The following POLA1 variants were observed in gnomAD, a reference collection of about 807,000 sequenced individuals.
POLA1 encodes the protein DNA polymerase alpha catalytic subunit.
A neutral mutation model predicts 124.0 loss-of-function variants in POLA1; 15 were observed. The observed-to-expected ratio is 0.12, with a 90% confidence interval of 0.08 to 0.19. The LOEUF (loss-of-function observed/expected upper bound fraction) is 0.19. Ranked by LOEUF, POLA1 falls within the 10% of genes least tolerant of loss-of-function variation. POLA1 has a pLI of 1.00. For synonymous variants in POLA1, 408 were observed against 389.4 expected (o/e 1.05, Z -0.56); for missense variants, 886 against 1,103.4 (o/e 0.80, Z 2.79).
intron 34 of POLA1, among the ~76,000 whole-genome samples, chrX:24,862,542 T>TA (rs1229607679): frequency 1.8e-5 from 2 of 111,470 alleles, no homozygotes; most frequent in East Asian, 5.7e-4. Flanking sequence ...ATAATAAACT[T>TA]ACAGGCACAG....
chrX:24,917,267 C>CA (rs755459104), intron 35 of POLA1, among the ~76,000 whole-genome samples: 2 of 104,857 alleles, frequency 1.9e-5, no homozygotes, highest in South Asian at 8.9e-4. Context: ...GCCTGAGTGA[C>CA]AGAGTGAGAC....
intron 34 of POLA1, among the ~76,000 whole-genome samples, chrX:24,853,386 T>C (rs1235324923): frequency 8.9e-6 from 1 of 112,192 alleles, no homozygotes; most frequent in East Asian, 2.8e-4. Flanking sequence ...CGGTAAACTT[T>C]TTGTGCTCTG....
At position 24,855,558 on chromosome X, in the gene POLA1, C is replaced by T. The variant is rs1415300678; in HGVS notation, c.4047+11881C>T. Reference sequence around the variant, plus strand: ...ATAAAATGAAATTTGAAGGACAATTCCCCCAAAGGACATTGGAGGAAAATT... The same window carrying T: ...ATAAAATGAAATTTGAAGGACAATTTCCCCAAAGGACATTGGAGGAAAATT... On this transcript the variant is annotated intron_variant, in intron 34 of 36. Transcript: ENST00000379068. Among the ~76,000 whole-genome samples the T allele has an allele frequency of 5.4e-5, 6 of 111,863 alleles. No homozygotes were observed. In the Admixed American group the frequency reaches 5.7e-4, roughly 11 times the overall value.
At chrX:24,938,147 C>T (rs898944068) in intron 36 of POLA1, among the ~76,000 whole-genome samples, 5 of 112,701 alleles carry the variant, frequency 4.4e-5, no homozygotes, top group African/African-American at 1.6e-4. Flanking sequence ...GGCACAGTGG[C>T]TCACGCCTGT....
rs1376258540 is a variant in POLA1, at chrX:24,841,714, C to G, written c.3799C>G (p.Leu1267Val). 8.4e-6 allele frequency: 10 copies of G among 1,188,869 alleles called. No homozygotes were observed. Among genetic ancestry groups the G allele is most frequent in the East Asian group, 3.0e-5 (1 of 33,350 alleles). Residue 1267 changes from leucine to valine, a missense_variant, in exon 33 of 37, where the codon CTT becomes GTT. By Grantham distance (32) the Leu-to-Val change is conservative (BLOSUM62 1). Transcript: ENST00000379068. ...TAAAGATGAAGAGAATGATGCTCTA[C>G]TTGGTGGCCCAGCACAGCTCACTGA... is the stretch of plus-strand genomic sequence containing the variant. ...YHKDEENDAL[L>V]GGPAQLTDEE...
intron 35 of POLA1, among the ~76,000 whole-genome samples, chrX:24,906,959 G>A (rs765707745): frequency 9.0e-5 from 10 of 111,157 alleles, no homozygotes; most frequent in Admixed American, 1.9e-4. Context: ...AGGCCGAGCC[G>A]GACAGTTCAC....
At chrX:24,926,411 G>A (rs1364998955) in intron 35 of POLA1, among the ~76,000 whole-genome samples, 1 of 111,203 alleles carries the variant, frequency 9.0e-6, no homozygotes, top group African/African-American at 3.3e-5. Flanking sequence ...TTCATTTTGT[G>A]CATCAAGCCG....
chrX:24,727,771 TTC>T lies in POLA1; in HGVS notation c.1532-7_1532-6del. On this transcript the variant is annotated splice_polypyrimidine_tract_variant and intron_variant, in intron 14 of 36. Transcript: ENST00000379068. Reference sequence around the variant, plus strand: ...AATAGCTATTGATCTGTTGTATCTATTCTCTTTCAGAGCTCTTGAATCAGCCA... The same window carrying T: ...AATAGCTATTGATCTGTTGTATCTATTCTTTCAGAGCTCTTGAATCAGCCA... 1 of 1,198,257 alleles carries T rather than the reference TTC, an allele frequency of 8.3e-7. No homozygotes were observed. The highest frequency in any genetic ancestry group is 2.3e-4 in the Middle Eastern group (1 of 4,310).
At chrX:24,956,237 G>A (rs1161038431) in intron 36 of POLA1, among the ~76,000 whole-genome samples, 1 of 110,066 alleles carries the variant, frequency 9.1e-6, no homozygotes, top group Non-Finnish European at 1.9e-5. Flanking sequence ...AGATTGTAGT[G>A]AGTTATGATC....
At position 24,897,363 on chromosome X, in the gene POLA1, C is replaced by T. The variant is rs1465664717; in HGVS notation, c.4164+9241C>T. Reference sequence around the variant, plus strand: ...CCTTCCTCTTCTCTTCACTGCCCCCCCCCCCACCAACCCCCACCTCAGCAG... The same window carrying T: ...CCTTCCTCTTCTCTTCACTGCCCCCTCCCCCACCAACCCCCACCTCAGCAG... On this transcript the variant is annotated intron_variant, in intron 35 of 36. Coordinates refer to ENST00000379068, the MANE Select transcript of POLA1 (RefSeq NM_001330360.2). 3.9e-5 allele frequency among the ~76,000 whole-genome samples: 4 copies of T among 103,343 alleles called. No individual in the cohort carries two copies. The East Asian group carries it at 9.5e-4, about 24-fold the overall frequency. The allele number at this position is 103,343 out of a possible 115,157, so 89.7% of individuals were successfully genotyped here. A position where few individuals can be genotyped will look rare whatever the true frequency, so the allele number is the denominator to read the frequency against.
chrX:24,759,701 G>A (rs955420718), intron 26 of POLA1, among the ~76,000 whole-genome samples: 1 of 112,022 alleles, frequency 8.9e-6, no homozygotes, highest in Non-Finnish European at 1.9e-5. Context: ...AAACCATTGG[G>A]AATGTGGCTA....
At chrX:24,704,231 A>G (rs182724470) in intron 3 of POLA1, among the ~76,000 whole-genome samples, 158 bp from the exon 4 acceptor site, 118 of 112,150 alleles carry the variant, frequency 1.1e-3, no homozygotes, top group African/African-American at 3.6e-3. Flanking sequence ...GATGCTGTGC[A>G]TTGTCTGACA....
At chrX:24,840,586 A>G (rs775601590) in intron 32 of POLA1, among the ~76,000 whole-genome samples, 1 of 112,284 alleles carries the variant, frequency 8.9e-6, no homozygotes, top group East Asian at 2.8e-4. Context: ...CATCTGTTAG[A>G]TTTATCTACC....
intron 34 of POLA1, among the ~76,000 whole-genome samples, chrX:24,858,738 G>A (rs906560660): frequency 5.4e-5 from 6 of 112,023 alleles, no homozygotes; most frequent in African/African-American, 1.9e-4. Flanking sequence ...TTTCAAACTT[G>A]TTTTACTTAG....
chrX:24,785,080 A>C (rs930695237), intron 26 of POLA1, among the ~76,000 whole-genome samples: 5 of 112,463 alleles, frequency 4.4e-5, no homozygotes, highest in Non-Finnish European at 9.4e-5. Context: ...GCTGATATTA[A>C]AAATGTGTTA....
chrX:24,726,123 A>G, intron 13 of POLA1, 68 bp downstream of exon 13: 2 of 686,060 alleles, frequency 2.9e-6, no homozygotes, highest in South Asian at 2.5e-5. Context: ...TGAACTTTCA[A>G]CTGACTTTCA....
intron 26 of POLA1, among the ~76,000 whole-genome samples, chrX:24,787,240 C>T (rs990715448): frequency 5.4e-5 from 6 of 111,230 alleles, no homozygotes; most frequent in Non-Finnish European, 1.1e-4. Context: ...TTTATTTTTG[C>T]TGTTGTTGCC....
intron 36 of POLA1, among the ~76,000 whole-genome samples, chrX:24,993,838 G>A (rs1392426811): frequency 1.8e-5 from 2 of 111,997 alleles, no homozygotes; most frequent in African/African-American, 6.5e-5. Context: ...ACTGGCTATG[G>A]GATATGCTGG....
Position 24,826,581 on chromosome X carries a change from T to C in POLA1, c.3716T>C (p.Val1239Ala), listed in dbSNP as rs1488109160. ...GAACCAATAGACGGAATTGATGCTG[T>C]CCTCATTGCAACGTGGTTGGGTAAG... ...ICEPIDGIDAVLIATWLGLDP... is the reference protein window; with the variant it reads ...ICEPIDGIDAALIATWLGLDP... The change falls in exon 32 of 37, where the codon GTC (valine) becomes GCC (alanine). Residue 1239 changes from valine to alanine, a missense_variant. Physicochemically the swap from Val to Ala is moderately conservative, Grantham distance 64 (BLOSUM62 0). Transcript: ENST00000379068. The C allele has an allele frequency of 8.3e-7, 1 of 1,201,102 alleles. No homozygotes were observed. Among genetic ancestry groups the C allele is most frequent in the Admixed American group, 2.2e-5 (1 of 45,121 alleles).
Sources: allele counts gnomAD v4.1 joint callset (sites outside exome capture counted in the v4.1 genomes callset), GRCh38; gene constraint gnomAD v4.1.1; transcripts MANE v1.5; gene names NCBI Gene and HGNC (gene_info 2026-07-23, HGNC 2026-07-21).